SCD5: variants seen among roughly 807,000 people sequenced by gnomAD.
SCD5 encodes stearoyl-CoA desaturase 5.
SCD5 carries 20 observed loss-of-function variants against 30.4 expected under a neutral mutation model. The observed-to-expected ratio is 0.66, with a 90% confidence interval of 0.46 to 0.96. The LOEUF (loss-of-function observed/expected upper bound fraction) is 0.96. SCD5 is among the 40% of genes least tolerant of loss of function. SCD5 has a pLI of 0.00. For synonymous variants in SCD5, 173 were observed against 176.4 expected (o/e 0.98, Z 0.16); for missense variants, 381 against 443.3 (o/e 0.86, Z 1.26).
chr4:82,660,849 C>T (rs750872602), intron 3 of SCD5: 24 of 1,613,600 alleles, frequency 1.5e-5, no homozygotes, highest in East Asian at 2.2e-5. Flanking sequence ...CACCAAGCCT[C>T]GCTGTTGTAT....
chr4:82,736,219 C>T (rs1414383700), intron 1 of SCD5, among the ~76,000 whole-genome samples: 3 of 151,750 alleles, frequency 2.0e-5, no homozygotes, highest in African/African-American at 7.3e-5. Context: ...GCCCAGGAGG[C>T]AGGAGTTGCA....
chr4:82,726,236 G>A (rs777482941), intron 1 of SCD5, among the ~76,000 whole-genome samples: 2 of 152,060 alleles, frequency 1.3e-5, no homozygotes, highest in Admixed American at 1.3e-4. Context: ...TGACCAACAT[G>A]GAGAAACCCC....
chr4:82,794,757 C>T (rs1301639555), intron 1 of SCD5, among the ~76,000 whole-genome samples: 2 of 151,726 alleles, frequency 1.3e-5, no homozygotes, highest in African/African-American at 2.4e-5. Context: ...TCACGCCATT[C>T]TCCTGCCTCA....
intron 1 of SCD5, among the ~76,000 whole-genome samples, chr4:82,794,650 A>ATTTTT (rs200270294): frequency 1.5e-5 from 2 of 136,746 alleles, no homozygotes; most frequent in Non-Finnish European, 3.2e-5. Flanking sequence ...CATTCTGTCC[A>ATTTTT]TTTTTTTTTT....
At chr4:82,656,317 T>C (rs951065811) in intron 3 of SCD5, among the ~76,000 whole-genome samples, 5 of 152,142 alleles carry the variant, frequency 3.3e-5, no homozygotes, top group East Asian at 1.9e-4. Flanking sequence ...TGTGGTTTCA[T>C]TGCTCAACTT....
chr4:82,791,415 G>GA (rs34170165), intron 1 of SCD5, among the ~76,000 whole-genome samples: 17,972 of 141,864 alleles, frequency 0.13, 1,084 homozygotes, highest in African/African-American at 0.16. Flanking sequence ...AATAAAATTG[G>GA]AAAAAAAAAA....
intron 1 of SCD5, among the ~76,000 whole-genome samples, chr4:82,741,323 G>C (rs551096055): frequency 6.6e-6 from 1 of 152,280 alleles, no homozygotes; most frequent in South Asian, 2.1e-4. Context: ...GTGACTTTCA[G>C]AGCCTGGGCC....
chr4:82,762,217 G>A (rs1254895105), intron 1 of SCD5, among the ~76,000 whole-genome samples: 4 of 136,724 alleles, frequency 2.9e-5, no homozygotes, highest in Non-Finnish European at 4.8e-5. Context: ...GGGGAGAGGA[G>A]GGGAGGGGGA....
At chr4:82,719,611 C>T (rs1181557065) in intron 1 of SCD5, among the ~76,000 whole-genome samples, 1 of 150,420 alleles carries the variant, frequency 6.6e-6, no homozygotes, top group African/African-American at 2.5e-5. Context: ...TCACGCCATT[C>T]TCCTGCCTCA....
chr4:82,788,224 C>A (rs560354164), intron 1 of SCD5, among the ~76,000 whole-genome samples: 25 of 152,244 alleles, frequency 1.6e-4, no homozygotes, highest in African/African-American at 5.5e-4. Context: ...AAATAAATTT[C>A]TTCCTCTTCC....
intron 3 of SCD5, among the ~76,000 whole-genome samples, chr4:82,648,220 T>G (rs922505481): frequency 3.3e-5 from 5 of 152,190 alleles, no homozygotes; most frequent in African/African-American, 1.2e-4. Context: ...GGGGGAAGAA[T>G]GTCTCACCAG....
intron 1 of SCD5, among the ~76,000 whole-genome samples, chr4:82,793,615 C>T (rs973952185): frequency 1.3e-5 from 2 of 152,060 alleles, no homozygotes; most frequent in African/African-American, 4.8e-5. Context: ...AGAAAAGGGG[C>T]CAGTATTAGG....
At chr4:82,665,324 A>T (rs2174632) in intron 3 of SCD5, among the ~76,000 whole-genome samples, 49,735 of 149,552 alleles carry the variant, frequency 0.33, 8,944 homozygotes, top group African/African-American at 0.48. Flanking sequence ...AATTAATGAA[A>T]GACAAAAAGT....
intron 2 of SCD5, 78 bp from the exon 3 acceptor site, chr4:82,680,990 C>A (rs1728560976): frequency 7.9e-7 from 1 of 1,265,278 alleles, no homozygotes; most frequent in Non-Finnish European, 1.1e-6. Flanking sequence ...CCCAGCCTCC[C>A]CTCCCCCACC....
intron 1 of SCD5, among the ~76,000 whole-genome samples, chr4:82,757,889 G>A (rs532856388): frequency 3.3e-5 from 5 of 152,334 alleles, no homozygotes; most frequent in Non-Finnish European, 5.9e-5. Context: ...TACAGCCACT[G>A]GCTTCAAACA....
At chr4:82,697,674 T>C (rs530293093) in intron 2 of SCD5, among the ~76,000 whole-genome samples, 3 of 152,336 alleles carry the variant, frequency 2.0e-5, no homozygotes, top group Admixed American at 2.0e-4. Context: ...GAAAGTATAA[T>C]TAATCCTGCC....
At chr4:82,793,865 T>C (rs767515454) in intron 1 of SCD5, among the ~76,000 whole-genome samples, 38 of 152,234 alleles carry the variant, frequency 2.5e-4, no homozygotes, top group Admixed American at 7.2e-4. Flanking sequence ...GAGCCTTGCT[T>C]ACTCTAGAAA....
chr4:82,771,272 G>A (rs1721614943), intron 1 of SCD5, among the ~76,000 whole-genome samples: 1 of 152,090 alleles, frequency 6.6e-6, no homozygotes, highest in Non-Finnish European at 1.5e-5. Flanking sequence ...CTGACTGGTA[G>A]CTGGTTTACT....
At chr4:82,679,724 C>A (rs924922772) in intron 3 of SCD5, among the ~76,000 whole-genome samples, 3 of 152,142 alleles carry the variant, frequency 2.0e-5, no homozygotes. Flanking sequence ...CTCTACTGCT[C>A]CCCTCAGCGT....
Sources: allele counts gnomAD v4.1 joint callset (sites outside exome capture counted in the v4.1 genomes callset), GRCh38; gene constraint gnomAD v4.1.1; transcripts MANE v1.5; gene names NCBI Gene and HGNC (gene_info 2026-07-23, HGNC 2026-07-21).